SEMA5A: variants seen among roughly 807,000 people sequenced by gnomAD.
SEMA5A encodes the protein semaphorin 5A.
In SEMA5A, 55 loss-of-function variants were observed where a neutral mutation model predicts 135.5. The observed-to-expected ratio is 0.41, with a 90% CI of 0.33 to 0.51. The LOEUF (loss-of-function observed/expected upper bound fraction) is 0.51. Ranked by LOEUF, SEMA5A falls within the 20% of genes least tolerant of loss-of-function variation. The pLI is 0.37. For synonymous variants in SEMA5A, 580 were observed against 546.5 expected, an observed-to-expected ratio of 1.06 and a Z score of -0.85; for missense variants, 1,290 against 1,419.9, an observed-to-expected ratio of 0.91 and a Z score of 1.47.
chr5:9,334,599 A>T (rs987005530), intron 4 of SEMA5A, among the ~76,000 whole-genome samples: 13 of 152,192 alleles, frequency 8.5e-5, no homozygotes, highest in Admixed American at 7.9e-4. Flanking sequence ...AACAGCTGAA[A>T]GGGGTAGAAA....
intron 12 of SEMA5A, among the ~76,000 whole-genome samples, chr5:9,148,167 G>T (rs886486143): frequency 5.3e-5 from 8 of 152,290 alleles, no homozygotes; most frequent in African/African-American, 1.7e-4. Context: ...ATGGTGTTCA[G>T]AAAATATTAG....
intron 4 of SEMA5A, among the ~76,000 whole-genome samples, chr5:9,336,002 A>G (rs1184645097): frequency 6.6e-6 from 1 of 152,134 alleles, no homozygotes; most frequent in Non-Finnish European, 1.5e-5. Context: ...AGTTAAAAAA[A>G]AAAAGTAGAT....
intron 2 of SEMA5A, among the ~76,000 whole-genome samples, chr5:9,397,839 G>C (rs1756471139): frequency 6.6e-6 from 1 of 152,150 alleles, no homozygotes; most frequent in South Asian, 2.1e-4. Context: ...ATGGCATCAA[G>C]AATGTGGAAG....
rs773670272 is a variant in SEMA5A, at chr5:9,136,519, G to A, written c.1584C>T (p.Ser528=). 3 of 1,613,620 alleles carry A rather than the reference G, an allele frequency of 1.9e-6. No individual in the cohort carries two copies. In the South Asian group the frequency reaches 3.3e-5, roughly 18 times the overall value. The change falls in exon 13 of 23, where the codon AGC becomes AGT. Residue 528 remains serine, a synonymous_variant. Transcript: ENST00000382496. ...ESLSMTQWEQ[S]ISACPTRNLT... is the part of the protein sequence containing the mutation. ...GGGCACTCACCGGACACGCAGAGATGCTCTGTTCCCACTGCGTCATGCTCA... is the reference window on the plus strand; with the variant it reads ...GGGCACTCACCGGACACGCAGAGATACTCTGTTCCCACTGCGTCATGCTCA...
intron 1 of SEMA5A, among the ~76,000 whole-genome samples, chr5:9,466,334 C>T (rs1438452093): frequency 2.0e-5 from 3 of 148,452 alleles, no homozygotes; most frequent in South Asian, 2.2e-4. Flanking sequence ...CAAACCTGCA[C>T]GTTGTGCACA....
chr5:9,208,700 C>G (rs144117216), intron 8 of SEMA5A, among the ~76,000 whole-genome samples: 1 of 152,138 alleles, frequency 6.6e-6, no homozygotes, highest in Non-Finnish European at 1.5e-5. Flanking sequence ...AAGAGATCAA[C>G]AGGACGGGAG....
At chr5:9,210,556 G>T (rs1320347174) in intron 8 of SEMA5A, among the ~76,000 whole-genome samples, 1 of 152,168 alleles carries the variant, frequency 6.6e-6, no homozygotes, top group African/African-American at 2.4e-5. Context: ...TGTGGGCATC[G>T]GGAGAGAGAG....
chr5:9,042,831 G>A lies in SEMA5A; in HGVS notation c.*66C>T. 1 of 1,583,058 alleles carries A rather than the reference G, an allele frequency of 6.3e-7. No homozygotes were observed. The highest frequency in any genetic ancestry group is 8.6e-7 in the Non-Finnish European group (1 of 1,156,370). ...TTCGACTCTGAAGCCTCAGAAACAT[G>A]GGCAGTCATGGGGCACAGGCCTTGA... On this transcript the variant is annotated 3_prime_UTR_variant, in exon 23 of 23. Coordinates refer to ENST00000382496, the MANE Select transcript of SEMA5A (RefSeq NM_003966.3).
intron 14 of SEMA5A, among the ~76,000 whole-genome samples, chr5:9,120,904 G>A (rs1477725468): frequency 1.3e-5 from 2 of 151,656 alleles, no homozygotes; most frequent in Middle Eastern, 3.4e-3. Context: ...TCAGCCTCCC[G>A]AGTAGCTGGG....
At chr5:9,094,367 C>T (rs1199976656) in intron 16 of SEMA5A, among the ~76,000 whole-genome samples, 1 of 152,190 alleles carries the variant, frequency 6.6e-6, no homozygotes, top group East Asian at 1.9e-4. Context: ...AATTAATGAT[C>T]AAAGATGATG....
At chr5:9,145,441 C>T (rs1742278116) in intron 12 of SEMA5A, among the ~76,000 whole-genome samples, 1 of 152,114 alleles carries the variant, frequency 6.6e-6, no homozygotes. Context: ...GAACAGTTAT[C>T]TCCTTAAGAA....
rs374691656 is a variant in SEMA5A, at chr5:9,144,882, C to T, written c.1482-8261G>A. Among the ~76,000 whole-genome samples, 3 of 152,170 alleles carry T rather than the reference C, an allele frequency of 2.0e-5. No individual in the cohort carries two copies. The East Asian group carries it at 5.8e-4, about 29-fold the overall frequency. ...ATTGAATGAAAGGAGAAGAATCCTC[C>T]TCTCAGACAACATGAAGTTGTTTGA... On this transcript the variant is annotated intron_variant, in intron 12 of 22. Coordinates refer to ENST00000382496, the MANE Select transcript of SEMA5A (RefSeq NM_003966.3).
chr5:9,529,999 G>A (rs753668031), intron 1 of SEMA5A, among the ~76,000 whole-genome samples: 2 of 152,168 alleles, frequency 1.3e-5, no homozygotes, highest in Admixed American at 6.5e-5. Flanking sequence ...CCTGGTGTTC[G>A]ACAAGGCTCA....
chr5:9,232,544 C>A (rs1262648881), intron 6 of SEMA5A, among the ~76,000 whole-genome samples: 2 of 152,078 alleles, frequency 1.3e-5, no homozygotes, highest in Admixed American at 6.5e-5. Context: ...TAATTGTATA[C>A]ATGTATTACT....
intron 11 of SEMA5A, among the ~76,000 whole-genome samples, chr5:9,160,605 G>A (rs533577302): frequency 2.6e-4 from 39 of 152,082 alleles, no homozygotes; most frequent in South Asian, 2.1e-4. Flanking sequence ...AACCCTCCTC[G>A]GCACAGATCA....
chr5:9,187,573 C>A (rs1744876160), intron 11 of SEMA5A, among the ~76,000 whole-genome samples: 2 of 152,146 alleles, frequency 1.3e-5, no homozygotes, highest in South Asian at 2.1e-4. Context: ...AACTAACAAT[C>A]CAACTAGTGA....
Position 9,038,062 on chromosome 5 carries a change from C to A in SEMA5A, c.*4835G>T, listed in dbSNP as rs1183337326. ...GTAATTGCAGATAACCATAGGTAATCAAATATTGGTAACGTTGTGTCAACA... is the reference window on the plus strand; with the variant it reads ...GTAATTGCAGATAACCATAGGTAATAAAATATTGGTAACGTTGTGTCAACA... On this transcript the variant is annotated 3_prime_UTR_variant, in exon 23 of 23. Coordinates refer to ENST00000382496, the MANE Select transcript of SEMA5A (RefSeq NM_003966.3). The A allele has an allele frequency of 6.6e-6, 1 of 152,104 alleles. No individual in the cohort carries two copies. The highest frequency in any genetic ancestry group is 1.5e-5 in the Non-Finnish European group (1 of 68,028). The allele number at this position is 152,104 out of a possible 1,614,324, so 9.4% of individuals were successfully genotyped here.
chr5:9,329,030 C>A (rs951107818), intron 4 of SEMA5A, among the ~76,000 whole-genome samples: 3 of 152,198 alleles, frequency 2.0e-5, no homozygotes, highest in Non-Finnish European at 4.4e-5. Context: ...CACTTTTCAG[C>A]CTCATCAGAA....
chr5:9,143,182 G>GA (rs1282063878), intron 12 of SEMA5A, among the ~76,000 whole-genome samples: 1 of 152,112 alleles, frequency 6.6e-6, no homozygotes, highest in Non-Finnish European at 1.5e-5. Context: ...GTTTTTTTGA[G>GA]ATGGAGATGC....
Sources: allele counts gnomAD v4.1 joint callset (sites outside exome capture counted in the v4.1 genomes callset), GRCh38; gene constraint gnomAD v4.1.1; transcripts MANE v1.5; gene names NCBI Gene and HGNC (gene_info 2026-07-23, HGNC 2026-07-21).